AIF1L: variants seen among roughly 807,000 people sequenced by gnomAD.
AIF1L encodes the protein allograft inflammatory factor 1 like.
A neutral mutation model predicts 20.7 loss-of-function variants in AIF1L; 12 were observed. The ratio of observed to expected loss-of-function variants is 0.58; its 90% CI spans 0.37 to 0.94. The LOEUF (loss-of-function observed/expected upper bound fraction) is 0.94. AIF1L is among the 40% of genes least tolerant of loss of function. AIF1L has a pLI of 0.01. For missense variants in AIF1L, 173 were observed against 185.3 expected, an observed-to-expected ratio of 0.93 and a Z score of 0.39; for synonymous variants, 76 against 65.1, an observed-to-expected ratio of 1.17 and a Z score of -0.81.
rs1444095253 is a variant in AIF1L at position 131,096,559 on chromosome 9, G to T, written c.-71G>T. On this transcript the variant is annotated 5_prime_UTR_variant, in exon 1 of 6. Transcript: ENST00000247291. ...CGCAGCTAGCCGGAGCCCGGACCAG[G>T]CGCCTGTGCCTCCTCCTCGTCCCTC... 2 of 1,471,304 alleles carry T rather than the reference G, an allele frequency of 1.4e-6. No homozygotes were observed. The highest frequency in any genetic ancestry group is 1.8e-6 in the Non-Finnish European group (2 of 1,117,864). The allele number at this position is 1,471,304 out of a possible 1,614,324, so 91.1% of individuals were successfully genotyped here.
chr9:131,106,074 C>A, intron 2 of AIF1L: 1 of 1,196,108 alleles, frequency 8.4e-7, no homozygotes, highest in Non-Finnish European at 1.2e-6. Flanking sequence ...CCTCCTCGGG[C>A]TCCTCAACAG....
At chr9:131,120,214 T>C (rs761722013) in intron 5 of AIF1L, 21 bp from the exon 6 acceptor site, 175 of 1,608,976 alleles carry the variant, frequency 1.1e-4, no homozygotes, top group Non-Finnish European at 1.4e-4. Flanking sequence ...TCTTTTTTTC[T>C]TTTCTCCATC....
chr9:131,108,738 T>A (rs888983317), intron 2 of AIF1L, among the ~76,000 whole-genome samples: 2 of 152,340 alleles, frequency 1.3e-5, no homozygotes, highest in South Asian at 4.1e-4. Context: ...GTGGAGAAAT[T>A]TGAGCCATAG....
intron 4 of AIF1L, among the ~76,000 whole-genome samples, chr9:131,117,539 A>G (rs749855531): frequency 6.6e-6 from 1 of 152,190 alleles, no homozygotes; most frequent in Non-Finnish European, 1.5e-5. Context: ...CTCGATTCCA[A>G]TGCAAGCCCG....
At chr9:131,105,032 G>A (rs1588181166) in intron 2 of AIF1L, among the ~76,000 whole-genome samples, 1 of 151,280 alleles carries the variant, frequency 6.6e-6, no homozygotes. Context: ...TGTCTCCTCT[G>A]CCTATGGACC....
At chr9:131,119,050 A>T (rs1054963968) in intron 5 of AIF1L, among the ~76,000 whole-genome samples, 1 of 152,222 alleles carries the variant, frequency 6.6e-6, no homozygotes, top group African/African-American at 2.4e-5. Context: ...GTCTTCCGTG[A>T]TGTCCTGAGG....
Position 131,120,607 on chromosome 9 carries a change from C to G in AIF1L, c.*285C>G. 2.7e-6 allele frequency: 1 copy of G among 377,094 alleles called. No homozygotes were observed. Among genetic ancestry groups the G allele is most frequent in the Non-Finnish European group, 4.7e-6 (1 of 211,076 alleles). The allele number at this position is 377,094 out of a possible 1,614,324, so 23.4% of individuals were successfully genotyped here. ...AAAACTAGAGGGGGCAGGGCCAGGG[C>G]AGGGAGGCTTCCAGCCTGTGTTCCC... On this transcript the variant is annotated 3_prime_UTR_variant, in exon 6 of 6. Coordinates refer to ENST00000247291, the MANE Select transcript of AIF1L (RefSeq NM_031426.4).
chr9:131,112,693 CT>C (rs1408085286), intron 3 of AIF1L, among the ~76,000 whole-genome samples: 1 of 152,148 alleles, frequency 6.6e-6, no homozygotes, highest in Non-Finnish European at 1.5e-5. Flanking sequence ...TCCAAAGCCC[CT>C]GCTCTCAACT....
At chr9:131,111,816 A>C (rs1588185456) in intron 3 of AIF1L, 153 bp downstream of exon 3, 1 of 786,558 alleles carries the variant, frequency 1.3e-6, no homozygotes, top group Non-Finnish European at 2.0e-6. Context: ...GGAGACAGGG[A>C]CCCCCTGAGA....
intron 2 of AIF1L, chr9:131,111,277 T>G: frequency 3.4e-6 from 1 of 290,014 alleles, no homozygotes; most frequent in Admixed American, 4.7e-5. Context: ...GCTCACAGCT[T>G]CTCGGATCTG....
intron 2 of AIF1L, chr9:131,098,151 G>A (rs1564162572): frequency 6.6e-6 from 1 of 152,306 alleles, no homozygotes; most frequent in Non-Finnish European, 1.5e-5. Context: ...GGTTTTCTTG[G>A]ACTGCTTGGA....
At chr9:131,105,383 A>G (rs353535) in intron 2 of AIF1L, among the ~76,000 whole-genome samples, 68,275 of 151,990 alleles carry the variant, frequency 0.45, 15,495 homozygotes, top group Admixed American at 0.58. Flanking sequence ...TTTGTTTTTT[A>G]AGACAAAGTC....
In AIF1L at chr9:131,122,685, A is replaced by C. The variant is rs1831167476; in HGVS notation, c.*2363A>C. ...CTACAAGACTGCAGGAATTCTCCTT[A>C]AGGGAGGAGAGCAAGCAGGTGTGGC... On this transcript the variant is annotated 3_prime_UTR_variant, in exon 6 of 6. Coordinates refer to ENST00000247291, the MANE Select transcript of AIF1L (RefSeq NM_031426.4). 1 of 152,184 alleles carries C rather than the reference A, an allele frequency of 6.6e-6. No homozygotes were observed. The highest frequency in any genetic ancestry group is 2.4e-5 in the African/African-American group (1 of 41,432). 9.4% of individuals were successfully genotyped at this position (152,184 alleles called of 1,614,324 possible). A position where few individuals can be genotyped will look rare whatever the true frequency, so the allele number is the denominator to read the frequency against.
chr9:131,111,947 T>G, intron 3 of AIF1L: 3 of 458,288 alleles, frequency 6.5e-6, no homozygotes, highest in Non-Finnish European at 8.0e-6. Context: ...CTCAGGCTGG[T>G]TCCCGTCCGC....
rs1830887033 is a variant in AIF1L, at chr9:131,111,616, A to G, written c.113A>G (p.Lys38Arg). ...CTGTAGGAGTTTCTGTGTGACCAGA[A>G]GTACAGTGATGAAGAGAACCTTCCA... ...EINREFLCDQ[K>R]YSDEENLPEK... Residue 38 changes from lysine (K) to arginine (R), a missense_variant, in exon 3 of 6, where the codon AAG becomes AGG. By Grantham distance (26) the Lys-to-Arg change is conservative. Coordinates refer to ENST00000247291, the MANE Select transcript of AIF1L (RefSeq NM_031426.4). 6.2e-7 allele frequency: 1 copy of G among 1,613,910 alleles called. No homozygotes were observed.
Position 131,099,629 on chromosome 9 carries a change from A to T in AIF1L, c.93+2766A>T, listed in dbSNP as rs571034823. ...GGGCACAGCCCAGCTTGGCTGGCAG[A>T]TCTAGGGGCTTCTCTGGGCCGATAC... On this transcript the variant is annotated intron_variant, in intron 2 of 5. Transcript: ENST00000247291. Among the ~76,000 whole-genome samples, 8 of 151,700 alleles carry T rather than the reference A, an allele frequency of 5.3e-5. No individual in the cohort carries two copies. The East Asian group carries it at 1.6e-3, about 30-fold the overall frequency.
intron 2 of AIF1L, among the ~76,000 whole-genome samples, chr9:131,107,184 C>T (rs919846864): frequency 6.6e-6 from 1 of 152,216 alleles, no homozygotes; most frequent in Admixed American, 6.5e-5. Context: ...GATCTGTGGA[C>T]TCCAGGCAGG....
intron 2 of AIF1L, among the ~76,000 whole-genome samples, chr9:131,105,735 A>G (rs1314832944): frequency 6.6e-6 from 1 of 152,150 alleles, no homozygotes; most frequent in Non-Finnish European, 1.5e-5. Flanking sequence ...ACTTTTGCAA[A>G]GCTGCCTGAT....
chr9:131,101,484 C>A (rs1337123348), intron 2 of AIF1L, among the ~76,000 whole-genome samples: 3 of 151,670 alleles, frequency 2.0e-5, no homozygotes, highest in Admixed American at 6.6e-5. Context: ...GTAGCTGGGA[C>A]TATAGGCGTG....
Sources: gnomAD v4.1 joint callset for allele counts (sites outside exome capture counted in the v4.1 genomes callset) on GRCh38, gnomAD v4.1.1 for gene constraint, MANE v1.5 for transcripts, NCBI Gene and HGNC (gene_info 2026-07-23, HGNC 2026-07-21) for gene names.